ST3GAL5: variants seen among roughly 807,000 people sequenced by gnomAD.
ST3GAL5 encodes ST3 beta-galactoside alpha-2,3-sialyltransferase 5, also known as lactosylceramide alpha-2,3-sialyltransferase.
A neutral mutation model predicts 46.1 loss-of-function variants in ST3GAL5; 25 were observed. The observed-to-expected ratio is 0.54, with a 90% CI of 0.40 to 0.76. The LOEUF (loss-of-function observed/expected upper bound fraction) is 0.76. ST3GAL5 is among the 30% of genes least tolerant of loss of function. The pLI is 0.00. For missense variants in ST3GAL5, 431 were observed against 521.2 expected (o/e 0.83, Z 1.69); for synonymous variants, 182 against 192.7 (o/e 0.94, Z 0.46).
chr2:85,853,236 C>G, intron 3 of ST3GAL5: 1 of 420,290 alleles, frequency 2.4e-6, no homozygotes, highest in South Asian at 2.0e-5. Context: ...TTCAAAGTGT[C>G]CAGGCATCCC....
chr2:85,854,494 G>A (rs1184039291), intron 3 of ST3GAL5: 1 of 152,344 alleles, frequency 6.6e-6, no homozygotes, highest in Non-Finnish European at 1.5e-5. Flanking sequence ...CAGGGAGAAG[G>A]GGCAGGGAGC....
intron 1 of ST3GAL5, among the ~76,000 whole-genome samples, chr2:85,883,064 CT>C (rs1470430837): frequency 6.6e-6 from 1 of 152,176 alleles, no homozygotes; most frequent in East Asian, 1.9e-4. Flanking sequence ...TGAGCTAAGA[CT>C]TTGGGTGAGT....
At chr2:85,872,165 C>G (rs1686004466) in intron 1 of ST3GAL5, among the ~76,000 whole-genome samples, 1 of 152,092 alleles carries the variant, frequency 6.6e-6, no homozygotes, top group African/African-American at 2.4e-5. Flanking sequence ...TGAGCCAGAA[C>G]AAAGGCAAGA....
At chr2:85,853,244 C>T in intron 3 of ST3GAL5, 1 of 381,184 alleles carries the variant, frequency 2.6e-6, no homozygotes, top group Admixed American at 3.6e-5. Flanking sequence ...GTCCAGGCAT[C>T]CCTTCAGAGC....
intron 6 of ST3GAL5, among the ~76,000 whole-genome samples, chr2:85,842,600 A>G (rs562664889): frequency 7.9e-5 from 12 of 152,166 alleles, no homozygotes; most frequent in Non-Finnish European, 1.5e-4. Context: ...ATCAATTATA[A>G]AAATAGGAAA....
Position 85,877,920 on chromosome 2 carries a change from T to C in ST3GAL5, c.82+10904A>G, listed in dbSNP as rs147450076. 3.3e-5 allele frequency among the ~76,000 whole-genome samples: 5 copies of C among 152,322 alleles called. No individual in the cohort carries two copies. The East Asian group carries it at 7.7e-4, about 23-fold the overall frequency. On this transcript the variant is annotated intron_variant, in intron 1 of 6. Transcript: ENST00000638572. ...TAGATTTTCTTTTGAGAATACAGTA[T>C]ATATGAGTTGGGAGTATGGTAATTT...
intron 2 of ST3GAL5, among the ~76,000 whole-genome samples, chr2:85,861,837 ACACACG>A (rs1471904200): frequency 1.3e-5 from 2 of 151,794 alleles, no homozygotes; most frequent in East Asian, 1.9e-4. Flanking sequence ...ACACACACAC[ACACACG>A]ACTTGGAGAA....
At position 85,852,771 on chromosome 2, in the gene ST3GAL5, G is replaced by A; in HGVS notation, c.319-4567C>T. The A allele has an allele frequency of 9.4e-6, 7 of 740,882 alleles. No individual in the cohort carries two copies. The South Asian group carries it at 9.6e-5, about 10-fold the overall frequency. 45.9% of individuals were successfully genotyped at this position (740,882 alleles called of 1,614,324 possible). A position where few individuals can be genotyped will look rare whatever the true frequency, so the allele number is the denominator to read the frequency against. On this transcript the variant is annotated intron_variant, in intron 3 of 6. Transcript: ENST00000638572. The stretch of plus-strand genomic sequence containing the variant: ...GAAAAAAAAATAATCAGGAGATCTG[G>A]AGGCTGGACTCAGTTCTAGATTGAT...
Position 85,881,420 on chromosome 2 carries a change from G to T in ST3GAL5, c.82+7404C>A, listed in dbSNP as rs568536724. On this transcript the variant is annotated intron_variant, in intron 1 of 6. Transcript: ENST00000638572. ...GAACAGTTTGAAGGGCTCAGAAAAA[G>T]AAAGGAAAATGTGGGAAAGTTTGGA... Among the ~76,000 whole-genome samples, 3 of 152,288 alleles carry T rather than the reference G, an allele frequency of 2.0e-5. No homozygotes were observed. In the South Asian group the frequency reaches 6.2e-4, roughly 32 times the overall value.
chr2:85,842,270 T>A (rs1250981333), intron 6 of ST3GAL5, among the ~76,000 whole-genome samples: 1 of 152,238 alleles, frequency 6.6e-6, no homozygotes, highest in Admixed American at 6.5e-5. Context: ...GCCAGGGCTC[T>A]AGGCGTTGTT....
rs373154047 is a variant in ST3GAL5 at position 85,857,066 on chromosome 2, C to CAA, written c.318+4113_318+4114dup. ...AAACACGGTAAGACCCTGCCTCTAC[C>CAA]AAAAAAAAAAAAAAAAAAAAAAAAA... On this transcript the variant is annotated intron_variant, in intron 3 of 6. Transcript: ENST00000638572. 1.8e-3 allele frequency among the ~76,000 whole-genome samples: 125 copies of CAA among 70,912 alleles called. 7 individuals carry two copies. The highest frequency in any genetic ancestry group is 6.5e-3 in the African/African-American group (109 of 16,832). The allele number at this position is 70,912 out of a possible 152,430, so 46.5% of individuals were successfully genotyped here.
In ST3GAL5 at chr2:85,840,201, C is replaced by T. The variant is rs764613282; in HGVS notation, c.1200G>A (p.Lys400=). The T allele has an allele frequency of 6.2e-7, 1 of 1,614,164 alleles. No homozygotes were observed. The highest frequency in any genetic ancestry group is 1.1e-5 in the South Asian group (1 of 91,086). The change falls in exon 7 of 7, where the codon AAG becomes AAA. Residue 400 remains lysine, a synonymous_variant. Transcript: ENST00000638572. ...NVTTETKFLL[K]LVKEGVVKDL... ...CTTTCACCACTCCCTCTTTGACCAG[C>T]TTTAAGAGGAACTTGGTTTCCGTTG...
At chr2:85,847,831 T>TCAAC (rs1553405110) in intron 4 of ST3GAL5, 30 bp downstream of exon 4, 1 of 1,611,112 alleles carries the variant, frequency 6.2e-7, no homozygotes, top group Non-Finnish European at 8.5e-7. Flanking sequence ...TAAAAATAAG[T>TCAAC]AAACAAACAA....
chr2:85,856,245 A>AT (rs1684097173), intron 3 of ST3GAL5: 1 of 152,224 alleles, frequency 6.6e-6, no homozygotes. Context: ...ACAATGAGGT[A>AT]TTATCCAGAA....
rs1573580652 is a variant in ST3GAL5 at position 85,844,388 on chromosome 2, A to T, written c.1008+8T>A. 6.2e-7 allele frequency: 1 copy of T among 1,614,236 alleles called. No homozygotes were observed. Among genetic ancestry groups the T allele is most frequent in the South Asian group, 1.1e-5 (1 of 91,088 alleles). The stretch of plus-strand genomic sequence containing the variant: ...GGAATGATTAACTTTGAGTAGCAAC[A>T]AAAATACCTTATCTCGGCCCCAGAA... On this transcript the variant is annotated splice_region_variant and intron_variant, in intron 6 of 6. Transcript: ENST00000638572.
intron 1 of ST3GAL5, among the ~76,000 whole-genome samples, chr2:85,884,199 A>G (rs1005576972): frequency 9.2e-5 from 14 of 152,212 alleles, no homozygotes; most frequent in African/African-American, 1.7e-4. Flanking sequence ...TACATTAGTT[A>G]GTATATATAA....
chr2:85,883,088 C>A (rs950160211), intron 1 of ST3GAL5, among the ~76,000 whole-genome samples: 2 of 151,978 alleles, frequency 1.3e-5, no homozygotes, highest in African/African-American at 2.4e-5. Flanking sequence ...TGAGAAGGCA[C>A]GATTGGTTTT....
At chr2:85,880,900 A>G (rs1198506734) in intron 1 of ST3GAL5, 3 of 518,606 alleles carry the variant, frequency 5.8e-6, no homozygotes, top group Non-Finnish European at 1.2e-5. Flanking sequence ...TCTATGTTGG[A>G]CATGCGGGCA....
In ST3GAL5 at chr2:85,848,176, A is replaced by C; in HGVS notation, c.347T>G (p.Leu116Trp). 3.1e-6 allele frequency: 5 copies of C among 1,614,234 alleles called. No individual in the cohort carries two copies. The highest frequency in any genetic ancestry group is 4.2e-6 in the Non-Finnish European group (5 of 1,180,036). ...KRAQKYAQQV[L>W]QKECRPKFAK... ...AAACTTGGGACGACATTCCTTCTGCAAGACTTGCTGAGCATATTTCTGAGC... is the reference window on the plus strand; with the variant it reads ...AAACTTGGGACGACATTCCTTCTGCCAGACTTGCTGAGCATATTTCTGAGC... Residue 116 changes from leucine (L) to tryptophan (W), a missense_variant, in exon 4 of 7, where the codon TTG (leucine) becomes TGG (tryptophan). Physicochemically the swap from Leu to Trp is moderately conservative, Grantham distance 61. Coordinates refer to ENST00000638572, the MANE Select transcript of ST3GAL5 (RefSeq NM_003896.4).
Sources: allele counts gnomAD v4.1 joint callset (sites outside exome capture counted in the v4.1 genomes callset), GRCh38; gene constraint gnomAD v4.1.1; transcripts MANE v1.5; gene names NCBI Gene and HGNC (gene_info 2026-07-23, HGNC 2026-07-21).